Variants in EFNA5 observed in about 807,000 individuals in gnomAD.
EFNA5 encodes ephrin A5.
A neutral mutation model predicts 22.9 loss-of-function variants in EFNA5; 5 were observed. The ratio of observed to expected loss-of-function variants is 0.22; its 90% CI spans 0.11 to 0.46. EFNA5 has a LOEUF of 0.46. Among genes scored for constraint, EFNA5 ranks in the 20% least tolerant of loss-of-function variants. The pLI is 0.99. For synonymous variants in EFNA5, 113 were observed against 112.2 expected (o/e 1.01, Z -0.04); for missense variants, 237 against 293.3 (o/e 0.81, Z 1.40).
At chr5:107,657,721 G>A (rs1035683604) in intron 1 of EFNA5, among the ~76,000 whole-genome samples, 7 of 151,866 alleles carry the variant, frequency 4.6e-5, no homozygotes, top group East Asian at 1.9e-4. Context: ...AGTACAAACC[G>A]TTTTATCTCT....
intron 1 of EFNA5, among the ~76,000 whole-genome samples, chr5:107,633,290 A>T (rs1336112600): frequency 2.6e-5 from 4 of 152,230 alleles, no homozygotes; most frequent in Non-Finnish European, 4.4e-5. Context: ...TCTACTCAAG[A>T]GCCAGGATGA....
intron 1 of EFNA5, among the ~76,000 whole-genome samples, chr5:107,477,724 A>T (rs1189401556): frequency 6.6e-6 from 1 of 152,130 alleles, no homozygotes; most frequent in Non-Finnish European, 1.5e-5. Context: ...TTTCCTTTTT[A>T]CAGGGTGGCT....
At chr5:107,465,462 C>T (rs10491391) in intron 1 of EFNA5, among the ~76,000 whole-genome samples, 7,980 of 152,120 alleles carry the variant, frequency 0.052, 740 homozygotes, top group African/African-American at 0.18. Context: ...AAGGTTTCAC[C>T]GCTTTACTCC....
intron 1 of EFNA5, among the ~76,000 whole-genome samples, chr5:107,565,225 C>T (rs1472507144): frequency 2.6e-5 from 4 of 152,100 alleles, no homozygotes; most frequent in Non-Finnish European, 5.9e-5. Context: ...AAAATATGCG[C>T]TGAAAGACCA....
At chr5:107,448,971 G>T (rs184890047) in intron 1 of EFNA5, among the ~76,000 whole-genome samples, 1 of 152,140 alleles carries the variant, frequency 6.6e-6, no homozygotes, top group East Asian at 1.9e-4. Context: ...TGGAGTGGGG[G>T]TGAAGGTCTG....
chr5:107,496,639 A>C (rs561516186), intron 1 of EFNA5, among the ~76,000 whole-genome samples: 1 of 152,254 alleles, frequency 6.6e-6, no homozygotes, highest in Non-Finnish European at 1.5e-5. Context: ...AATGTTGCCA[A>C]CTCTACCCCA....
chr5:107,525,052 C>G (rs1289046960), intron 1 of EFNA5, among the ~76,000 whole-genome samples: 1 of 152,144 alleles, frequency 6.6e-6, no homozygotes, highest in African/African-American at 2.4e-5. Context: ...GAAAAGAACA[C>G]AAGCTTGATG....
intron 1 of EFNA5, among the ~76,000 whole-genome samples, chr5:107,623,756 G>A (rs896833576): frequency 6.6e-6 from 1 of 150,546 alleles, no homozygotes. Flanking sequence ...AATCACAAAG[G>A]CAGAAAGAGC....
chr5:107,661,479 G>A (rs1278748875), intron 1 of EFNA5, among the ~76,000 whole-genome samples: 1 of 152,214 alleles, frequency 6.6e-6, no homozygotes, highest in Non-Finnish European at 1.5e-5. Flanking sequence ...CTACGATGGT[G>A]GCTCAGGACA....
intron 1 of EFNA5, among the ~76,000 whole-genome samples, chr5:107,449,424 G>A (rs1749490255): frequency 6.6e-6 from 1 of 151,748 alleles, no homozygotes; most frequent in Admixed American, 6.6e-5. Flanking sequence ...GCAGAACTAG[G>A]GACACTTTAG....
chr5:107,422,928 G>A (rs753074475), intron 2 of EFNA5, among the ~76,000 whole-genome samples: 7 of 152,078 alleles, frequency 4.6e-5, no homozygotes, highest in Non-Finnish European at 1.0e-4. Context: ...ACCCTAACAC[G>A]CCTCTCCATT....
intron 1 of EFNA5, among the ~76,000 whole-genome samples, chr5:107,533,965 GC>G (rs762825963): frequency 1.3e-5 from 2 of 152,202 alleles, no homozygotes; most frequent in Non-Finnish European, 2.9e-5. Context: ...TATTCGGAAA[GC>G]TTTCCATATC....
At chr5:107,587,117 G>T (rs1000940551) in intron 1 of EFNA5, among the ~76,000 whole-genome samples, 12 of 152,156 alleles carry the variant, frequency 7.9e-5, no homozygotes, top group Non-Finnish European at 1.6e-4. Flanking sequence ...GGGAATGTGG[G>T]TTAATTTTCT....
chr5:107,518,440 A>G (rs39918), intron 1 of EFNA5, among the ~76,000 whole-genome samples: 11,206 of 152,148 alleles, frequency 0.074, 1,344 homozygotes, highest in African/African-American at 0.25. Flanking sequence ...AGTCCTGATC[A>G]TGCTTAATAG....
chr5:107,641,564 TAGAC>T (rs1347613780), intron 1 of EFNA5, among the ~76,000 whole-genome samples: 5 of 152,170 alleles, frequency 3.3e-5, no homozygotes, highest in Non-Finnish European at 5.9e-5. Context: ...TAGTAAATAA[TAGAC>T]AGTTCACTTT....
intron 1 of EFNA5, among the ~76,000 whole-genome samples, chr5:107,535,714 C>T (rs1485627348): frequency 6.6e-6 from 1 of 151,978 alleles, no homozygotes; most frequent in Non-Finnish European, 1.5e-5. Flanking sequence ...GTGTCTGGTT[C>T]ATTTTCTTAC....
intron 1 of EFNA5, among the ~76,000 whole-genome samples, chr5:107,582,680 C>T (rs181954270): frequency 1.3e-5 from 2 of 151,940 alleles, no homozygotes; most frequent in East Asian, 3.9e-4. Flanking sequence ...TTTCATCAAG[C>T]CCCAAAAGTA....
In EFNA5 at chr5:107,381,148, C is replaced by A; in HGVS notation, c.*107G>T. The A allele has an allele frequency of 7.0e-7, 1 of 1,421,644 alleles. No individual in the cohort carries two copies. The highest frequency in any genetic ancestry group is 9.4e-7 in the Non-Finnish European group (1 of 1,065,644). The allele number at this position is 1,421,644 out of a possible 1,614,324, so 88.1% of individuals were successfully genotyped here. ...AAGAAAGAAAACAAAAATCTGACAT[C>A]TGCCAAAACCCAATAACAAGTCCCT... On this transcript the variant is annotated 3_prime_UTR_variant, in exon 5 of 5. Transcript: ENST00000333274.
At chr5:107,529,900 C>T (rs1038028349) in intron 1 of EFNA5, among the ~76,000 whole-genome samples, 4 of 152,218 alleles carry the variant, frequency 2.6e-5, no homozygotes, top group Admixed American at 1.3e-4. Flanking sequence ...TAACAACTTA[C>T]ATAATGAGAA....
Sources: allele counts gnomAD v4.1 joint callset (sites outside exome capture counted in the v4.1 genomes callset), GRCh38; gene constraint gnomAD v4.1.1; transcripts MANE v1.5; gene names NCBI Gene and HGNC (gene_info 2026-07-23, HGNC 2026-07-21).